Variants in TRIO observed in about 807,000 individuals in gnomAD.
The protein encoded by TRIO is trio Rho guanine nucleotide exchange factor, also known as triple functional domain protein.
Under a neutral mutation model 351.9 loss-of-function variants are expected in TRIO, and 58 were observed. The ratio of observed to expected loss-of-function variants is 0.16; its 90% confidence interval spans 0.13 to 0.21. The LOEUF is 0.21. TRIO is among the 10% of genes least tolerant of loss of function. TRIO has a pLI of 1.00. For missense variants in TRIO, 3,201 were observed against 4,027.8 expected (o/e 0.79, Z 5.56); for synonymous variants, 1,758 against 1,595.7 (o/e 1.10, Z -2.42).
chr5:14,451,598 T>C (rs1752854337), intron 34 of TRIO, among the ~76,000 whole-genome samples: 1 of 152,252 alleles, frequency 6.6e-6, no homozygotes, highest in Non-Finnish European at 1.5e-5. Flanking sequence ...AGACAGAAGT[T>C]TGAGAAATTG....
At chr5:14,295,297 A>G (rs1737251611) in intron 6 of TRIO, among the ~76,000 whole-genome samples, 3 of 152,250 alleles carry the variant, frequency 2.0e-5, no homozygotes, top group Admixed American at 6.5e-5. Flanking sequence ...TATAAAAACT[A>G]TGATGATAAG....
At chr5:14,420,052 C>T (rs756533571) in intron 34 of TRIO, 31 bp downstream of exon 34, 11 of 1,600,562 alleles carry the variant, frequency 6.9e-6, no homozygotes, top group South Asian at 1.1e-5. Flanking sequence ...GGTGGCAGAC[C>T]CCTACTGGAA....
intron 1 of TRIO, among the ~76,000 whole-genome samples, chr5:14,145,832 T>C (rs1180075155): frequency 6.6e-6 from 1 of 152,074 alleles, no homozygotes; most frequent in Non-Finnish European, 1.5e-5. Context: ...TCTCCAGGAG[T>C]TGTCGTCTGC....
intron 1 of TRIO, among the ~76,000 whole-genome samples, chr5:14,248,768 G>C (rs1004648650): frequency 2.6e-5 from 4 of 152,230 alleles, no homozygotes; most frequent in African/African-American, 9.6e-5. Flanking sequence ...GTGGTGCTCA[G>C]TGCTTTACAG....
chr5:14,377,818 G>A (rs1360088455), intron 19 of TRIO, among the ~76,000 whole-genome samples, 194 bp from the exon 20 acceptor site: 2 of 152,180 alleles, frequency 1.3e-5, no homozygotes, highest in African/African-American at 4.8e-5. Context: ...ATCGTAAGAT[G>A]GTCAAATGGA....
chr5:14,374,867 T>C (rs1057346123), intron 19 of TRIO, among the ~76,000 whole-genome samples: 2 of 152,154 alleles, frequency 1.3e-5, no homozygotes, highest in Non-Finnish European at 2.9e-5. Flanking sequence ...TGTGTAAGTG[T>C]TTAGAAAAAG....
intron 34 of TRIO, among the ~76,000 whole-genome samples, chr5:14,460,347 G>A (rs908849332): frequency 6.6e-6 from 1 of 152,230 alleles, no homozygotes; most frequent in Non-Finnish European, 1.5e-5. Context: ...CCGTGAACAG[G>A]AAAGAGGCTG....
intron 18 of TRIO, among the ~76,000 whole-genome samples, chr5:14,372,568 T>C (rs1166250442): frequency 1.3e-5 from 2 of 152,208 alleles, no homozygotes; most frequent in Non-Finnish European, 2.9e-5. Flanking sequence ...TCTCAGCTAT[T>C]TGGTTATTCT....
At chr5:14,295,530 A>G (rs1025358324) in intron 6 of TRIO, among the ~76,000 whole-genome samples, 1 of 152,252 alleles carries the variant, frequency 6.6e-6, no homozygotes, top group Non-Finnish European at 1.5e-5. Flanking sequence ...AGTGGTTGTC[A>G]CAATAGAGCC....
At chr5:14,145,738 A>G (rs190418318) in intron 1 of TRIO, among the ~76,000 whole-genome samples, 79 of 152,246 alleles carry the variant, frequency 5.2e-4, no homozygotes, top group African/African-American at 1.9e-3. Context: ...CATCTCTATT[A>G]TGCATAGTAC....
chr5:14,183,747 A>G (rs1450059821), intron 1 of TRIO: 4 of 501,864 alleles, frequency 8.0e-6, no homozygotes, highest in Non-Finnish European at 1.4e-5. Flanking sequence ...TTTGCTGAGG[A>G]GGGAAGGCAT....
intron 10 of TRIO, among the ~76,000 whole-genome samples, chr5:14,334,828 T>C (rs2152318094): frequency 6.6e-6 from 1 of 152,294 alleles, no homozygotes; most frequent in Middle Eastern, 3.4e-3. Flanking sequence ...AGAGAACCTT[T>C]GTAGGCAAGA....
intron 1 of TRIO, among the ~76,000 whole-genome samples, chr5:14,168,472 C>T (rs1481274438): frequency 1.3e-5 from 2 of 152,242 alleles, no homozygotes; most frequent in African/African-American, 2.4e-5. Context: ...GAGACTTACA[C>T]AGCCTGATAT....
At chr5:14,315,982 A>G (rs1017822667) in intron 8 of TRIO, among the ~76,000 whole-genome samples, 5 of 152,224 alleles carry the variant, frequency 3.3e-5, no homozygotes, top group Admixed American at 1.3e-4. Flanking sequence ...CTCTCCAGCT[A>G]TGTCAGAAAG....
intron 1 of TRIO, among the ~76,000 whole-genome samples, chr5:14,150,766 C>T (rs970850708): frequency 2.6e-5 from 4 of 152,126 alleles, no homozygotes; most frequent in African/African-American, 4.8e-5. Flanking sequence ...GATTTTATAT[C>T]GATTTGAAAG....
chr5:14,423,850 G>T (rs1750388339), intron 34 of TRIO, among the ~76,000 whole-genome samples: 1 of 151,590 alleles, frequency 6.6e-6, no homozygotes, highest in South Asian at 2.1e-4. Context: ...CAGGGCCTGT[G>T]TCCCGCACTA....
intron 6 of TRIO, among the ~76,000 whole-genome samples, chr5:14,294,891 A>C (rs1309647826): frequency 2.0e-5 from 3 of 152,244 alleles, no homozygotes; most frequent in African/African-American, 7.2e-5. Context: ...AAAGCAGGTA[A>C]GAAACTTAAA....
intron 1 of TRIO, among the ~76,000 whole-genome samples, chr5:14,173,186 GTTCC>G (rs1418087637): frequency 9.1e-6 from 1 of 109,762 alleles, no homozygotes; most frequent in African/African-American, 3.7e-5. Context: ...CACATTGTAT[GTTCC>G]TTTTTTTTTT....
chr5:14,308,367 T>C lies in TRIO; in HGVS notation c.1500+3775T>C, dbSNP rs80007413. Among the ~76,000 whole-genome samples, 935 of 102,616 alleles carry C rather than the reference T, an allele frequency of 9.1e-3. 9 individuals carry two copies. Among genetic ancestry groups the C allele is most frequent in the African/African-American group, 0.043 (884 of 20,488 alleles). 67.3% of individuals were successfully genotyped at this position (102,616 alleles called of 152,430 possible). Reference sequence around the variant, plus strand: ...ACCCACCCACGCACCCAACCACCCATTCATCTGTCCATCCATCCATCCATT... The same window carrying C: ...ACCCACCCACGCACCCAACCACCCACTCATCTGTCCATCCATCCATCCATT... On this transcript the variant is annotated intron_variant, in intron 8 of 56. Transcript: ENST00000344204.
Sources: gnomAD v4.1 joint callset for allele counts (sites outside exome capture counted in the v4.1 genomes callset) on GRCh38, gnomAD v4.1.1 for gene constraint, MANE v1.5 for transcripts, NCBI Gene and HGNC (gene_info 2026-07-23, HGNC 2026-07-21) for gene names.